Variants in TIAM1 observed in about 807,000 individuals in gnomAD.
TIAM1 encodes rho guanine nucleotide exchange factor TIAM1.
A neutral mutation model predicts 163.5 loss-of-function variants in TIAM1; 65 were observed. That is an observed-to-expected ratio of 0.40 (90% confidence interval 0.33 to 0.49). The LOEUF (loss-of-function observed/expected upper bound fraction) is 0.49. Ranked by LOEUF, TIAM1 falls within the 20% of genes least tolerant of loss-of-function variation. The pLI is 0.77. For missense variants in TIAM1, 1,789 were observed against 2,044.7 expected (o/e 0.87, Z 2.41); for synonymous variants, 833 against 810.1 (o/e 1.03, Z -0.48).
intron 2 of TIAM1, among the ~76,000 whole-genome samples, chr21:31,361,816 G>C (rs1008044387): frequency 1.3e-5 from 2 of 150,684 alleles, no homozygotes; most frequent in African/African-American, 4.9e-5. Context: ...TATTATCATA[G>C]ATTCCTTTGA....
intron 2 of TIAM1, among the ~76,000 whole-genome samples, chr21:31,425,295 A>G (rs1279293745): frequency 6.6e-6 from 1 of 152,096 alleles, no homozygotes; most frequent in Non-Finnish European, 1.5e-5. Context: ...CACTGCTTCC[A>G]AGGAATTTCG....
intron 16 of TIAM1, among the ~76,000 whole-genome samples, chr21:31,158,464 G>T (rs2083737908): frequency 6.6e-6 from 1 of 152,130 alleles, no homozygotes; most frequent in African/African-American, 2.4e-5. Flanking sequence ...CTCAGGTGTA[G>T]CACAAGGAAC....
chr21:31,386,896 G>A lies in TIAM1; in HGVS notation c.-368-47474C>T, dbSNP rs369396502. 3.9e-3 allele frequency among the ~76,000 whole-genome samples: 595 copies of A among 152,290 alleles called. 2 individuals carry two copies. Among genetic ancestry groups the A allele is most frequent in the African/African-American group, 0.013 (552 of 41,572 alleles). ...GGATGCTGGGAGCTTATTTGCCTGC[G>A]GAAGGTCCTTGGTTTCTGCCTTGGT... On this transcript the variant is annotated intron_variant, in intron 2 of 28. Coordinates refer to the TIAM1 transcript ENST00000286827.
At position 31,328,718 on chromosome 21, in the gene TIAM1, A is replaced by AC. The variant is rs2075576107; in HGVS notation, c.-189+10524dup. The stretch of plus-strand genomic sequence containing the variant: ...AATGCTCTCCCTCCCCTTGACCCCC[A>AC]CCCCCCGACAGGCCCAGGTGTGTGA... On this transcript the variant is annotated intron_variant, in intron 2 of 27. Coordinates refer to ENST00000541036, the MANE Select transcript of TIAM1 (RefSeq NM_001353694.2). Among the ~76,000 whole-genome samples, 8 of 134,902 alleles carry AC rather than the reference A, an allele frequency of 5.9e-5. No homozygotes were observed. The South Asian group carries it at 2.0e-3, about 33-fold the overall frequency. The allele number at this position is 134,902 out of a possible 152,430, so 88.5% of individuals were successfully genotyped here.
intron 16 of TIAM1, among the ~76,000 whole-genome samples, chr21:31,154,634 G>A (rs961536452): frequency 2.6e-5 from 4 of 152,278 alleles, no homozygotes; most frequent in East Asian, 1.9e-4. Context: ...TACACTCATC[G>A]CTTACCACAC....
chr21:31,210,615 G>GAGAAAGAAAGAA (rs776429877), intron 10 of TIAM1, among the ~76,000 whole-genome samples: 1 of 27,474 alleles, frequency 3.6e-5, no homozygotes, highest in Non-Finnish European at 7.2e-5. Context: ...GGAAGGAAGG[G>GAGAAAGAAAGAA]AGAAAGAAAG....
intron 2 of TIAM1, among the ~76,000 whole-genome samples, chr21:31,355,947 G>A (rs530960892): frequency 3.0e-4 from 46 of 152,048 alleles, no homozygotes; most frequent in Non-Finnish European, 7.3e-5. Context: ...ACAAGAGCAG[G>A]CACTTTTATC....
At chr21:31,391,467 A>T (rs1051962238) in intron 2 of TIAM1, among the ~76,000 whole-genome samples, 1 of 152,152 alleles carries the variant, frequency 6.6e-6, no homozygotes, top group African/African-American at 2.4e-5. Flanking sequence ...TCTACTAAAA[A>T]TACAAAAATT....
At chr21:31,550,551 A>G (rs1040480737) in intron 1 of TIAM1, among the ~76,000 whole-genome samples, 1 of 152,334 alleles carries the variant, frequency 6.6e-6, no homozygotes, top group African/African-American at 2.4e-5. Flanking sequence ...AGTGTCCTAA[A>G]ATCGACTGTG....
At chr21:31,459,809 T>G (rs1266247850) in intron 2 of TIAM1, among the ~76,000 whole-genome samples, 1 of 152,198 alleles carries the variant, frequency 6.6e-6, no homozygotes, top group Non-Finnish European at 1.5e-5. Context: ...ATCTGCGTGG[T>G]ATACTCTCTC....
intron 2 of TIAM1, among the ~76,000 whole-genome samples, chr21:31,286,005 T>C (rs965920431): frequency 1.3e-5 from 2 of 152,214 alleles, no homozygotes; most frequent in Non-Finnish European, 2.9e-5. Flanking sequence ...TAAGTGTGTG[T>C]ATATCATTGA....
chr21:31,484,110 G>A (rs1257957320), intron 1 of TIAM1, among the ~76,000 whole-genome samples: 1 of 152,164 alleles, frequency 6.6e-6, no homozygotes, highest in Admixed American at 6.5e-5. Flanking sequence ...GGCTGTCTAT[G>A]AGCCAGGAAG....
chr21:31,137,148 A>T (rs1363959896), intron 22 of TIAM1, among the ~76,000 whole-genome samples: 3 of 152,158 alleles, frequency 2.0e-5, no homozygotes, highest in South Asian at 2.1e-4. Context: ...CCTCCTTCCA[A>T]ATCTAGCTGG....
chr21:31,192,581 A>C (rs56863757), intron 13 of TIAM1, among the ~76,000 whole-genome samples: 1,585 of 152,166 alleles, frequency 0.01, 34 homozygotes, highest in African/African-American at 0.036. Flanking sequence ...ACTGCACTTC[A>C]GCCTGGGCGA....
At position 31,182,657 on chromosome 21, in the gene TIAM1, A is replaced by T; in HGVS notation, c.2663-12T>A. On this transcript the variant is annotated splice_polypyrimidine_tract_variant and intron_variant, in intron 14 of 27. Coordinates refer to ENST00000541036, the MANE Select transcript of TIAM1 (RefSeq NM_001353694.2). ...TCCTGCTTTCAGGCCTGCCAACGCA[A>T]GATGGAAAATTTTTAATTTCACACA... 6.2e-7 allele frequency: 1 copy of T among 1,605,484 alleles called. No homozygotes were observed. The highest frequency in any genetic ancestry group is 2.2e-5 in the East Asian group (1 of 44,800).
chr21:31,119,687 C>T lies in TIAM1; in HGVS notation c.*681G>A, dbSNP rs186361224. The T allele has an allele frequency of 6.6e-6, 1 of 152,430 alleles. No homozygotes were observed. The highest frequency in any genetic ancestry group is 1.5e-5 in the Non-Finnish European group (1 of 68,014). 9.4% of individuals were successfully genotyped at this position (152,430 alleles called of 1,614,324 possible). ...AAATACAAAAAATAGTGTTTCTTTTCTTTCTCTCAAGCGATAAATTTGGAT... is the reference window on the plus strand; with the variant it reads ...AAATACAAAAAATAGTGTTTCTTTTTTTTCTCTCAAGCGATAAATTTGGAT... On this transcript the variant is annotated 3_prime_UTR_variant, in exon 28 of 28. Transcript: ENST00000541036.
At chr21:31,437,551 G>C (rs1352484258) in intron 2 of TIAM1, among the ~76,000 whole-genome samples, 2 of 149,950 alleles carry the variant, frequency 1.3e-5, no homozygotes, top group Non-Finnish European at 3.0e-5. Context: ...GTTTGGATTT[G>C]TGTTCCCACC....
At chr21:31,128,973 G>GAA (rs369629691) in intron 25 of TIAM1, among the ~76,000 whole-genome samples, 1 of 151,620 alleles carries the variant, frequency 6.6e-6, no homozygotes, top group Non-Finnish European at 1.5e-5. Context: ...GAAACAAGGA[G>GAA]GCTAAAAAAC....
At chr21:31,148,497 C>A (rs1473747043) in intron 19 of TIAM1, among the ~76,000 whole-genome samples, 1 of 152,162 alleles carries the variant, frequency 6.6e-6, no homozygotes, top group African/African-American at 2.4e-5. Context: ...ATTACCCAAT[C>A]TCAGGTATTT....
Sources: gnomAD v4.1 joint callset for allele counts (sites outside exome capture counted in the v4.1 genomes callset) on GRCh38, gnomAD v4.1.1 for gene constraint, MANE v1.5 for transcripts, NCBI Gene and HGNC (gene_info 2026-07-23, HGNC 2026-07-21) for gene names.